Variants in CCDC60 observed in about 807,000 individuals in gnomAD.
The protein encoded by CCDC60 is coiled-coil domain containing 60.
CCDC60 carries 54 observed loss-of-function variants against 63.5 expected under a neutral mutation model. That is an observed-to-expected ratio of 0.85 (90% CI 0.68 to 1.07). The LOEUF (loss-of-function observed/expected upper bound fraction) is 1.07, where lower values mean the gene tolerates loss of function less well. Ranked by LOEUF, CCDC60 falls within the 50% of genes least tolerant of loss-of-function variation. CCDC60 has a pLI of 0.00. For missense variants in CCDC60, 651 were observed against 684.3 expected (o/e 0.95, Z 0.54); for synonymous variants, 206 against 238.8 (o/e 0.86, Z 1.27).
chr12:119,509,778 C>G (rs943053744), intron 7 of CCDC60, among the ~76,000 whole-genome samples: 1 of 152,178 alleles, frequency 6.6e-6, no homozygotes. Context: ...CATGCCTATT[C>G]TGCTGATGAG....
chr12:119,488,670 G>C (rs1443181991), intron 4 of CCDC60, 89 bp from the exon 5 acceptor site: 2 of 1,087,824 alleles, frequency 1.8e-6, no homozygotes, highest in Non-Finnish European at 2.8e-6. Flanking sequence ...CTCACTGGGA[G>C]CAAGTACCAC....
At chr12:119,516,801 G>C in intron 8 of CCDC60, 94 bp downstream of exon 8, 2 of 763,760 alleles carry the variant, frequency 2.6e-6, no homozygotes, top group Non-Finnish European at 4.4e-6. Context: ...TTTTCTCTGT[G>C]ACAGGCACTG....
chr12:119,458,736 T>TTTTTGA (rs1189596828), intron 2 of CCDC60, among the ~76,000 whole-genome samples: 18 of 151,420 alleles, frequency 1.2e-4, no homozygotes, highest in East Asian at 3.9e-4. Flanking sequence ...ATTTGTTTTG[T>TTTTTGA]TTTTGTTTTT....
intron 1 of CCDC60, among the ~76,000 whole-genome samples, chr12:119,342,749 A>C (rs1006786624): frequency 5.3e-5 from 8 of 152,248 alleles, no homozygotes; most frequent in African/African-American, 1.4e-4. Flanking sequence ...AGAAGTGAAT[A>C]AAGAAAATCA....
At chr12:119,387,082 A>G (rs1015818867) in intron 1 of CCDC60, among the ~76,000 whole-genome samples, 1 of 143,404 alleles carries the variant, frequency 7.0e-6, no homozygotes, top group Admixed American at 7.2e-5. Context: ...ACACTCTCCA[A>G]TTAAAATGTT....
chr12:119,379,789 G>A (rs1021505005), intron 1 of CCDC60, among the ~76,000 whole-genome samples: 1 of 152,196 alleles, frequency 6.6e-6, no homozygotes, highest in African/African-American at 2.4e-5. Context: ...TGGAGGTAGG[G>A]TAGCCCTTTG....
At chr12:119,381,939 A>G (rs887179459) in intron 1 of CCDC60, among the ~76,000 whole-genome samples, 4 of 152,240 alleles carry the variant, frequency 2.6e-5, no homozygotes, top group African/African-American at 9.6e-5. Context: ...AAGTCAGAAG[A>G]ATGTGCAGTA....
chr12:119,339,932 C>T (rs1449941008), intron 1 of CCDC60, among the ~76,000 whole-genome samples: 1 of 152,178 alleles, frequency 6.6e-6, no homozygotes, highest in Admixed American at 6.5e-5. Context: ...CTTCGGCAAA[C>T]TCTGTGGGTT....
intron 13 of CCDC60, among the ~76,000 whole-genome samples, chr12:119,534,631 G>C (rs1952948788): frequency 6.6e-6 from 1 of 152,208 alleles, no homozygotes; most frequent in Non-Finnish European, 1.5e-5. Flanking sequence ...ATGAAGGGCT[G>C]TTGAATTTTG....
chr12:119,439,009 T>C (rs892749922), intron 2 of CCDC60, among the ~76,000 whole-genome samples: 1 of 152,092 alleles, frequency 6.6e-6, no homozygotes, highest in African/African-American at 2.4e-5. Flanking sequence ...TTTAATTAAC[T>C]AGAGGACATC....
At chr12:119,490,092 G>A (rs1331071431) in intron 5 of CCDC60, among the ~76,000 whole-genome samples, 5 of 152,114 alleles carry the variant, frequency 3.3e-5, no homozygotes, top group African/African-American at 4.8e-5. Flanking sequence ...CACCGCGCCC[G>A]GCCAAACGTT....
Position 119,500,081 on chromosome 12 carries a change from C to G in CCDC60, c.561C>G (p.Asp187Glu). Reference sequence around the variant, plus strand: ...CATTAAGCTGTTTCTCACTCAGGGACCCGGGTGGAAGCAAGAGCACCATTA... The same window carrying G: ...CATTAAGCTGTTTCTCACTCAGGGAGCCGGGTGGAAGCAAGAGCACCATTA... ...KPVITCWNPK[D>E]PGGSKSTIKK... The change falls in exon 6 of 14, where the codon GAC (aspartate) becomes GAG (glutamate). Residue 187 changes from aspartate to glutamate, a missense_variant. Transcript: ENST00000327554. The G allele has an allele frequency of 6.2e-7, 1 of 1,610,274 alleles. No individual in the cohort carries two copies. Among genetic ancestry groups the G allele is most frequent in the Non-Finnish European group, 8.5e-7 (1 of 1,176,920 alleles).
intron 1 of CCDC60, among the ~76,000 whole-genome samples, chr12:119,401,134 G>T (rs1368883410): frequency 6.6e-6 from 1 of 152,212 alleles, no homozygotes; most frequent in African/African-American, 2.4e-5. Flanking sequence ...CTCAGATGAA[G>T]AAAGAGGGGC....
chr12:119,528,879 C>A, intron 12 of CCDC60, 133 bp downstream of exon 12: 1 of 840,542 alleles, frequency 1.2e-6, no homozygotes, highest in Non-Finnish European at 1.8e-6. Context: ...TGGCCATCAA[C>A]AGGATCCCCC....
At position 119,479,690 on chromosome 12, in the gene CCDC60, G is replaced by A. The variant is rs570304675; in HGVS notation, c.449+489G>A. 3.9e-5 allele frequency: 6 copies of A among 152,516 alleles called. No individual in the cohort carries two copies. In the South Asian group the frequency reaches 1.0e-3, roughly 26 times the overall value. The allele number at this position is 152,516 out of a possible 1,614,324, so 9.4% of individuals were successfully genotyped here. On this transcript the variant is annotated intron_variant, in intron 4 of 13. Transcript: ENST00000327554. The stretch of plus-strand genomic sequence containing the variant: ...AGTCTTGATGTCTTGTTCCCCTTGT[G>A]TCTATTCCAAATCTCAAGCCCAACT...
At chr12:119,377,966 G>A (rs1360579966) in intron 1 of CCDC60, among the ~76,000 whole-genome samples, 3 of 152,346 alleles carry the variant, frequency 2.0e-5, no homozygotes, top group South Asian at 4.1e-4. Flanking sequence ...AAAGAGAAAA[G>A]AGAATAGCTC....
At chr12:119,382,762 T>C (rs1314973416) in intron 1 of CCDC60, among the ~76,000 whole-genome samples, 1 of 152,216 alleles carries the variant, frequency 6.6e-6, no homozygotes, top group African/African-American at 2.4e-5. Flanking sequence ...GGGGAGGCCA[T>C]GGACGCATTC....
intron 5 of CCDC60, among the ~76,000 whole-genome samples, chr12:119,495,458 G>A (rs1352362073): frequency 6.6e-6 from 1 of 152,050 alleles, no homozygotes; most frequent in Non-Finnish European, 1.5e-5. Flanking sequence ...AATTTTTGCT[G>A]TTTGCCTTAG....
At chr12:119,459,630 C>G (rs1208976570) in intron 2 of CCDC60, among the ~76,000 whole-genome samples, 1 of 152,190 alleles carries the variant, frequency 6.6e-6, no homozygotes, top group Non-Finnish European at 1.5e-5. Flanking sequence ...AAACCTAAGA[C>G]AGGTGTTCAA....
Sources: gnomAD v4.1 joint callset for allele counts (sites outside exome capture counted in the v4.1 genomes callset) on GRCh38, gnomAD v4.1.1 for gene constraint, MANE v1.5 for transcripts, NCBI Gene and HGNC (gene_info 2026-07-23, HGNC 2026-07-21) for gene names.